The following LRMDA variants were observed in gnomAD, a reference collection of about 807,000 sequenced individuals.
LRMDA encodes leucine rich melanocyte differentiation associated.
Under a neutral mutation model 29.8 loss-of-function variants are expected in LRMDA, and 18 were observed. The ratio of observed to expected loss-of-function variants is 0.60; its 90% CI spans 0.42 to 0.90. The LOEUF (loss-of-function observed/expected upper bound fraction) is 0.90, where lower values mean the gene tolerates loss of function less well. Among genes scored for constraint, LRMDA ranks in the 40% least tolerant of loss-of-function variants. The pLI is 0.00. For synonymous variants in LRMDA, 125 were observed against 109.4 expected, an observed-to-expected ratio of 1.14 and a Z score of -0.89; for missense variants, 273 against 273.9, an observed-to-expected ratio of 1.00 and a Z score of 0.02.
chr10:76,452,432 A>G (rs776952188), intron 6 of LRMDA, among the ~76,000 whole-genome samples: 1 of 152,066 alleles, frequency 6.6e-6, no homozygotes, highest in Non-Finnish European at 1.5e-5. Context: ...TGAAATTAAA[A>G]CTTACCTACT....
chr10:75,664,481 C>T (rs1841795945), intron 2 of LRMDA, among the ~76,000 whole-genome samples: 1 of 152,126 alleles, frequency 6.6e-6, no homozygotes, highest in Non-Finnish European at 1.5e-5. Flanking sequence ...TAAAAGAGCA[C>T]ACAGTGATCC....
At position 75,637,869 on chromosome 10, in the gene LRMDA, G is replaced by A. The variant is rs540448951; in HGVS notation, c.131+199375G>A. Among the ~76,000 whole-genome samples the A allele has an allele frequency of 3.3e-5, 5 of 152,202 alleles. No homozygotes were observed. In the East Asian group the frequency reaches 7.8e-4, roughly 24 times the overall value. ...TGGCAGGAACCTGGACGCTGGAGGC[G>A]CCTGACAGCAACCCCATTTGCATGG... is the stretch of plus-strand genomic sequence containing the variant. On this transcript the variant is annotated intron_variant, in intron 2 of 6. Coordinates refer to ENST00000611255, the MANE Select transcript of LRMDA (RefSeq NM_001305581.2).
At chr10:76,510,278 C>T (rs532075696) in intron 6 of LRMDA, among the ~76,000 whole-genome samples, 31 of 152,214 alleles carry the variant, frequency 2.0e-4, no homozygotes, top group African/African-American at 7.2e-4. Flanking sequence ...ACCAAGTTAG[C>T]CAGGCTGTTC....
chr10:76,366,750 C>G (rs1467696073), intron 6 of LRMDA, among the ~76,000 whole-genome samples: 1 of 152,168 alleles, frequency 6.6e-6, no homozygotes, highest in Non-Finnish European at 1.5e-5. Flanking sequence ...TTATTTCTTT[C>G]TCTTGTCTGA....
chr10:76,270,575 T>C (rs1303691848), intron 5 of LRMDA: 3 of 152,424 alleles, frequency 2.0e-5, no homozygotes, highest in African/African-American at 2.4e-5. Context: ...TCAATCAATA[T>C]TTTACTGCCT....
chr10:75,936,062 G>C (rs1846286316), intron 2 of LRMDA, among the ~76,000 whole-genome samples: 1 of 151,992 alleles, frequency 6.6e-6, no homozygotes, highest in South Asian at 2.1e-4. Flanking sequence ...TGAGCTCTAG[G>C]TTATCTGCCT....
chr10:75,747,323 C>T (rs189203371), intron 2 of LRMDA, among the ~76,000 whole-genome samples: 12 of 152,214 alleles, frequency 7.9e-5, no homozygotes, highest in African/African-American at 2.6e-4. Flanking sequence ...AAATAAAATA[C>T]AGCCGCTAAG....
At chr10:76,193,116 C>T (rs981232712) in intron 5 of LRMDA, among the ~76,000 whole-genome samples, 5 of 152,060 alleles carry the variant, frequency 3.3e-5, no homozygotes, top group South Asian at 2.1e-4. Context: ...GAGATATGAG[C>T]GTGTTTCTTG....
At chr10:76,405,441 G>C (rs1341729493) in intron 6 of LRMDA, among the ~76,000 whole-genome samples, 1 of 152,214 alleles carries the variant, frequency 6.6e-6, no homozygotes, top group East Asian at 1.9e-4. Flanking sequence ...GGACAGGGGA[G>C]CTGGGGAGAA....
chr10:76,477,588 C>T (rs1354153674), intron 6 of LRMDA, among the ~76,000 whole-genome samples: 8 of 152,062 alleles, frequency 5.3e-5, no homozygotes, highest in South Asian at 2.1e-4. Flanking sequence ...GAGCCCGCAT[C>T]GCCAAGGCAA....
intron 5 of LRMDA, among the ~76,000 whole-genome samples, chr10:76,302,822 G>A (rs1323534173): frequency 6.6e-6 from 1 of 152,156 alleles, no homozygotes; most frequent in African/African-American, 2.4e-5. Context: ...CAAGTCCTAA[G>A]TAGCCCTTTC....
intron 2 of LRMDA, among the ~76,000 whole-genome samples, chr10:75,587,519 T>C (rs564591446): frequency 6.6e-6 from 1 of 152,340 alleles, no homozygotes; most frequent in South Asian, 2.1e-4. Flanking sequence ...GAAAACTGTA[T>C]TTAAAAGGCT....
chr10:76,007,931 T>G (rs1180007009), intron 2 of LRMDA, among the ~76,000 whole-genome samples: 1 of 152,238 alleles, frequency 6.6e-6, no homozygotes, highest in Non-Finnish European at 1.5e-5. Flanking sequence ...ACCCTTGTTC[T>G]GCTTATGGCA....
intron 2 of LRMDA, among the ~76,000 whole-genome samples, chr10:76,034,746 C>T (rs762407416): frequency 6.6e-6 from 1 of 152,168 alleles, no homozygotes; most frequent in Non-Finnish European, 1.5e-5. Flanking sequence ...GAAGCACTAT[C>T]AGTAAATGAA....
intron 2 of LRMDA, among the ~76,000 whole-genome samples, chr10:75,663,648 G>A (rs78858722): frequency 0.023 from 3,454 of 152,228 alleles, 56 homozygotes; most frequent in South Asian, 0.035. Flanking sequence ...GTTATCTGTA[G>A]CACCAGCTCA....
chr10:75,758,172 T>C (rs1328574194), intron 2 of LRMDA, among the ~76,000 whole-genome samples: 3 of 152,196 alleles, frequency 2.0e-5, no homozygotes, highest in Non-Finnish European at 4.4e-5. Flanking sequence ...GCCGGTGTCC[T>C]AATTGGAGGC....
chr10:76,154,147 A>G (rs1406221289), intron 5 of LRMDA, among the ~76,000 whole-genome samples: 1 of 152,118 alleles, frequency 6.6e-6, no homozygotes, highest in Non-Finnish European at 1.5e-5. Context: ...TTTCTTGATC[A>G]TTGGATTTGG....
intron 5 of LRMDA, among the ~76,000 whole-genome samples, chr10:76,077,122 A>G (rs1416797800): frequency 2.6e-5 from 4 of 152,058 alleles, no homozygotes; most frequent in African/African-American, 4.8e-5. Flanking sequence ...AGGAGTTCCC[A>G]TCCCAAATCA....
chr10:76,156,074 A>C (rs1425487211), intron 5 of LRMDA, among the ~76,000 whole-genome samples: 2 of 152,194 alleles, frequency 1.3e-5, no homozygotes, highest in Admixed American at 6.5e-5. Context: ...TGCTGGAAGA[A>C]AGTAACTCAA....
Sources: allele counts gnomAD v4.1 joint callset (sites outside exome capture counted in the v4.1 genomes callset), GRCh38; gene constraint gnomAD v4.1.1; transcripts MANE v1.5; gene names NCBI Gene and HGNC (gene_info 2026-07-23, HGNC 2026-07-21).